The following MMACHC variants were observed in gnomAD, a reference collection of about 807,000 sequenced individuals.
The protein encoded by MMACHC is cyanocobalamin reductase / alkylcobalamin dealkylase.
Under a neutral mutation model 17.6 loss-of-function variants are expected in MMACHC, and 14 were observed. The ratio of observed to expected loss-of-function variants is 0.80; its 90% CI spans 0.53 to 1.25. The LOEUF is 1.25. Among genes scored for constraint, MMACHC ranks in the 50% most tolerant of loss-of-function variants. MMACHC has a pLI of 0.00. For synonymous variants in MMACHC, 151 were observed against 142.1 expected (o/e 1.06, Z -0.45); for missense variants, 392 against 364.5 (o/e 1.08, Z -0.62).
intron 1 of MMACHC, among the ~76,000 whole-genome samples, chr1:45,501,253 C>T (rs781306909): frequency 9.9e-5 from 15 of 152,170 alleles, no homozygotes; most frequent in Non-Finnish European, 1.8e-4. Flanking sequence ...GTCTCAGCAC[C>T]GCACCCCGAC....
chr1:45,504,599 C>T (rs1643589250), intron 1 of MMACHC, among the ~76,000 whole-genome samples: 1 of 152,036 alleles, frequency 6.6e-6, no homozygotes, highest in South Asian at 2.1e-4. Context: ...GTGGCTCACA[C>T]CTGTGGTCCC....
At chr1:45,507,831 A>G (rs1188204965) in intron 2 of MMACHC, among the ~76,000 whole-genome samples, 2 of 152,150 alleles carry the variant, frequency 1.3e-5, no homozygotes, top group Non-Finnish European at 2.9e-5. Context: ...TTGGCCTCCA[A>G]GTGGAATAGG....
At chr1:45,503,887 C>T (rs542266244) in intron 1 of MMACHC, among the ~76,000 whole-genome samples, 3 of 152,170 alleles carry the variant, frequency 2.0e-5, no homozygotes, top group Non-Finnish European at 2.9e-5. Flanking sequence ...TCCACAACTA[C>T]GTGATTTAGC....
rs1643722088 is a variant in MMACHC, at chr1:45,510,530, C to CT, written c.*1316dup. ...GGCAACATAATGACACTAAAAAAGA[C>CT]TATCTCTAATCAAGGCTAGAACCAA... On this transcript the variant is annotated 3_prime_UTR_variant, in exon 4 of 4. Transcript: ENST00000401061. The CT allele has an allele frequency of 6.6e-6, 1 of 152,194 alleles. No homozygotes were observed. Among genetic ancestry groups the CT allele is most frequent in the Non-Finnish European group, 1.5e-5 (1 of 68,056 alleles). 9.4% of individuals were successfully genotyped at this position (152,194 alleles called of 1,614,324 possible).
At position 45,511,474 on chromosome 1, in the gene MMACHC, C is replaced by T; in HGVS notation, c.*2259C>T. The T allele has an allele frequency of 7.0e-7, 1 of 1,425,702 alleles. No homozygotes were observed. The highest frequency in any genetic ancestry group is 9.8e-7 in the Non-Finnish European group (1 of 1,022,484). The allele number at this position is 1,425,702 out of a possible 1,614,324, so 88.3% of individuals were successfully genotyped here. A position where few individuals can be genotyped will look rare whatever the true frequency, so the allele number is the denominator to read the frequency against. ...CTCAATGGTATGCACCACCATTCTC[C>T]TATGGACAAAACCAGTTCTGCACCT... On this transcript the variant is annotated 3_prime_UTR_variant, in exon 4 of 4. Coordinates refer to ENST00000401061, the MANE Select transcript of MMACHC (RefSeq NM_015506.3).
Position 45,500,342 on chromosome 1 carries a change from A to G in MMACHC, c.10A>G (p.Lys4Glu). 6.2e-7 allele frequency: 1 copy of G among 1,614,130 alleles called. No individual in the cohort carries two copies. The highest frequency in any genetic ancestry group is 8.5e-7 in the Non-Finnish European group (1 of 1,180,032). Reference protein sequence around the residue: MEPKVAELKQKIED... With the variant: MEPEVAELKQKIED... ...GCGTGTAACGTGCGCTATGGAGCCG[A>G]AAGTCGCAGAGCTGAAGCAGAAGAT... is the stretch of plus-strand genomic sequence containing the variant. The change falls in exon 1 of 4, where the codon AAA (lysine) becomes GAA (glutamate). Residue 4 changes from lysine (K) to glutamate (E), a missense_variant. By Grantham distance (56) the Lys-to-Glu change is moderately conservative (BLOSUM62 1). Transcript: ENST00000401061.
chr1:45,501,238 C>T (rs530593756), intron 1 of MMACHC, among the ~76,000 whole-genome samples: 1 of 152,342 alleles, frequency 6.6e-6, no homozygotes, highest in African/African-American at 2.4e-5. Flanking sequence ...TTGCCTGGCA[C>T]AGCAGTCTCA....
At position 45,509,529 on chromosome 1, in the gene MMACHC, C is replaced by T. The variant is rs1643699776; in HGVS notation, c.*314C>T. 1 of 272,988 alleles carries T rather than the reference C, an allele frequency of 3.7e-6. No homozygotes were observed. Among genetic ancestry groups the T allele is most frequent in the Admixed American group, 5.1e-5 (1 of 19,788 alleles). 16.9% of individuals were successfully genotyped at this position (272,988 alleles called of 1,614,324 possible). ...CCTGGGTTCAAGCAATTATCTGCCT[C>T]AGCCTCCTGAGTAGCTGGGATGACA... On this transcript the variant is annotated 3_prime_UTR_variant, in exon 4 of 4. Coordinates refer to ENST00000401061, the MANE Select transcript of MMACHC (RefSeq NM_015506.3).
chr1:45,509,479 T>C lies in MMACHC; in HGVS notation c.*264T>C, dbSNP rs944263608. ...CCTAGGCTGGAGTGCAGTGGCACAG[T>C]CTCTACTCACTGCAACCTCTGCCTC... On this transcript the variant is annotated 3_prime_UTR_variant, in exon 4 of 4. Coordinates refer to ENST00000401061, the MANE Select transcript of MMACHC (RefSeq NM_015506.3). 3 of 392,506 alleles carry C rather than the reference T, an allele frequency of 7.6e-6. No homozygotes were observed. The highest frequency in any genetic ancestry group is 1.3e-5 in the Non-Finnish European group (3 of 224,192). 24.3% of individuals were successfully genotyped at this position (392,506 alleles called of 1,614,324 possible).
At position 45,500,405 on chromosome 1, in the gene MMACHC, C is replaced by G. The variant is rs1325442638; in HGVS notation, c.73C>G (p.Pro25Ala). The change falls in exon 1 of 4, where the codon CCC (proline) becomes GCC (alanine). Residue 25 changes from proline (P) to alanine (A), a missense_variant. Transcript: ENST00000401061. The stretch of plus-strand genomic sequence containing the variant: ...ATGTCCTTTTGGCTTCGAGGTTTAC[C>G]CCTTCCAGGTTAGTTTATCCCTCCT... ...TLCPFGFEVY[P>A]FQVAWYNELL... 2 of 1,614,116 alleles carry G rather than the reference C, an allele frequency of 1.2e-6. No homozygotes were observed. Among genetic ancestry groups the G allele is most frequent in the Non-Finnish European group, 1.7e-6 (2 of 1,180,026 alleles).
intron 1 of MMACHC, 22 bp downstream of exon 1, chr1:45,500,435 T>G (rs1643519437): frequency 6.2e-7 from 1 of 1,612,222 alleles, no homozygotes. Flanking sequence ...CCTCCTGCTG[T>G]TCTAGGGCGA....
Position 45,509,432 on chromosome 1 carries a change from T to TTTTTTTTTTTA in MMACHC, c.*217_*218insTTTTTTTTTTA. 1 of 539,866 alleles carries TTTTTTTTTTTA rather than the reference T, an allele frequency of 1.9e-6. No homozygotes were observed. 33.4% of individuals were successfully genotyped at this position (539,866 alleles called of 1,614,324 possible). Reference sequence around the variant, plus strand: ...TTCAAATGAGTTTTTTTTTTTTTTTTAGACAGAGTCTTACTCTGTCACCTA... The same window carrying TTTTTTTTTTTA: ...TTCAAATGAGTTTTTTTTTTTTTTTTTTTTTTTTTTAAGACAGAGTCTTACTCTGTCACCTA... On this transcript the variant is annotated 3_prime_UTR_variant, in exon 4 of 4. Coordinates refer to ENST00000401061, the MANE Select transcript of MMACHC (RefSeq NM_015506.3).
At chr1:45,507,585 C>A in intron 2 of MMACHC, 35 bp downstream of exon 2, 1 of 1,608,310 alleles carries the variant, frequency 6.2e-7, no homozygotes, top group Non-Finnish European at 8.5e-7. Flanking sequence ...AGCTCCCAAA[C>A]CTACAGCTGC....
chr1:45,500,412 A>G lies in MMACHC; in HGVS notation c.80A>G (p.Gln27Arg), dbSNP rs546099787. 11 of 1,614,136 alleles carry G rather than the reference A, an allele frequency of 6.8e-6. No individual in the cohort carries two copies. The East Asian group carries it at 2.2e-4, about 33-fold the overall frequency. Reference sequence around the variant, plus strand: ...TTTGGCTTCGAGGTTTACCCCTTCCAGGTTAGTTTATCCCTCCTGCTGTTC... The same window carrying G: ...TTTGGCTTCGAGGTTTACCCCTTCCGGGTTAGTTTATCCCTCCTGCTGTTC... Reference protein sequence around the residue: ...CPFGFEVYPFQVAWYNELLPP... With the variant: ...CPFGFEVYPFRVAWYNELLPP... Residue 27 changes from glutamine to arginine, a missense_variant and splice_region_variant, in exon 1 of 4, where the codon CAG becomes CGG. Gln to Arg is a conservative substitution (Grantham distance 43, BLOSUM62 1). Coordinates refer to ENST00000401061, the MANE Select transcript of MMACHC (RefSeq NM_015506.3).
intron 1 of MMACHC, among the ~76,000 whole-genome samples, chr1:45,501,131 G>A (rs1643538532): frequency 6.6e-6 from 1 of 152,128 alleles, no homozygotes; most frequent in Non-Finnish European, 1.5e-5. Context: ...TGATGAACAG[G>A]CAAACAATTG....
chr1:45,505,348 T>G (rs1643605500), intron 1 of MMACHC, among the ~76,000 whole-genome samples: 1 of 151,866 alleles, frequency 6.6e-6, no homozygotes, highest in Non-Finnish European at 1.5e-5. Flanking sequence ...CTTGGGAGGC[T>G]GAGACAGGAA....
intron 1 of MMACHC, among the ~76,000 whole-genome samples, chr1:45,504,511 A>G (rs1643588401): frequency 6.6e-6 from 1 of 152,164 alleles, no homozygotes; most frequent in Non-Finnish European, 1.5e-5. Flanking sequence ...AAGCAGGAAA[A>G]TCCCATCCTG....
intron 1 of MMACHC, among the ~76,000 whole-genome samples, chr1:45,505,319 AC>A (rs2149322557): frequency 6.6e-6 from 1 of 151,848 alleles, no homozygotes; most frequent in South Asian, 2.1e-4. Context: ...GTAGTGATGC[AC>A]GCCTGTAGTC....
Position 45,509,284 on chromosome 1 carries a change from AG to A in MMACHC, c.*71del. The A allele has an allele frequency of 6.5e-7, 1 of 1,546,862 alleles. No homozygotes were observed. Among genetic ancestry groups the A allele is most frequent in the Non-Finnish European group, 8.9e-7 (1 of 1,120,194 alleles). ...ACTTAATTGGCTTTGGCAAAGCAAAAGGTTTTGAGTACAAGATTACTATTTT... is the reference window on the plus strand; with the variant it reads ...ACTTAATTGGCTTTGGCAAAGCAAAAGTTTTGAGTACAAGATTACTATTTT... On this transcript the variant is annotated 3_prime_UTR_variant, in exon 4 of 4. Transcript: ENST00000401061.
Sources: allele counts gnomAD v4.1 joint callset (sites outside exome capture counted in the v4.1 genomes callset), GRCh38; gene constraint gnomAD v4.1.1; transcripts MANE v1.5; gene names NCBI Gene and HGNC (gene_info 2026-07-23, HGNC 2026-07-21).